The following FNDC3A variants were observed in gnomAD, a reference collection of about 807,000 sequenced individuals.
FNDC3A encodes the protein fibronectin type III domain containing 3A.
Under a neutral mutation model 148.9 loss-of-function variants are expected in FNDC3A, and 32 were observed. The observed-to-expected ratio is 0.21, with a 90% CI of 0.16 to 0.29. The LOEUF (loss-of-function observed/expected upper bound fraction) is 0.29. Ranked by LOEUF, FNDC3A falls within the 10% of genes least tolerant of loss-of-function variation. The pLI is 1.00. For missense variants in FNDC3A, 1,191 were observed against 1,452.8 expected (o/e 0.82, Z 2.93); for synonymous variants, 472 against 473.6 (o/e 1.00, Z 0.04).
chr13:49,009,148 C>G (rs1952284446), intron 2 of FNDC3A, among the ~76,000 whole-genome samples: 2 of 152,146 alleles, frequency 1.3e-5, no homozygotes, highest in South Asian at 4.1e-4. Context: ...TTACTCCCCC[C>G]AAATCCTTGG....
At chr13:49,004,001 T>G (rs1952175140) in intron 1 of FNDC3A, among the ~76,000 whole-genome samples, 1 of 152,222 alleles carries the variant, frequency 6.6e-6, no homozygotes, top group South Asian at 2.1e-4. Flanking sequence ...CAATTTTAAA[T>G]CATTGGTAGT....
At chr13:49,046,047 G>T in intron 2 of FNDC3A, 1 of 163,678 alleles carries the variant, frequency 6.1e-6, no homozygotes, top group Non-Finnish European at 1.3e-5. Context: ...AATTACTCTG[G>T]GAAACAATAA....
chr13:49,037,171 ATAC>A (rs1437906350), intron 2 of FNDC3A, among the ~76,000 whole-genome samples: 1 of 152,228 alleles, frequency 6.6e-6, no homozygotes, highest in Non-Finnish European at 1.5e-5. Flanking sequence ...ATAAAAAATA[ATAC>A]TACTAAGAGC....
rs138232673 is a variant in FNDC3A, at chr13:49,131,185, C to A, written c.301C>A (p.Pro101Thr). ...VRRVVVVPQA[P>T]EFHPGSHTVL... ...AAGAGTTGTCGTGGTCCCTCAGGCA[C>A]CAGAGTTTCACCCTGGTAGTCACAC... Residue 101 changes from proline (P) to threonine (T), a missense_variant, in exon 5 of 26, where the codon CCA (proline) becomes ACA (threonine). Around this residue, in one of 3 missense-constraint regions of FNDC3A, gnomAD observed 426 missense variants for 473.2 expected, o/e 0.90. Coordinates refer to ENST00000492622, the MANE Select transcript of FNDC3A (RefSeq NM_001079673.2). 5 of 1,613,996 alleles carry A rather than the reference C, an allele frequency of 3.1e-6. No individual in the cohort carries two copies. The African/African-American group carries it at 6.7e-5, about 22-fold the overall frequency.
intron 2 of FNDC3A, among the ~76,000 whole-genome samples, chr13:49,056,824 G>A (rs1191306071): frequency 6.6e-6 from 1 of 151,946 alleles, no homozygotes; most frequent in Admixed American, 6.6e-5. Context: ...TCCTTTTTGT[G>A]TCTTCAGATA....
chr13:49,051,838 C>T (rs761606017), intron 2 of FNDC3A, among the ~76,000 whole-genome samples: 8 of 152,120 alleles, frequency 5.3e-5, no homozygotes, highest in Non-Finnish European at 8.8e-5. Context: ...TTAACATAGT[C>T]CCAAACTTCT....
chr13:49,187,242 A>T, intron 16 of FNDC3A, 52 bp downstream of exon 16: 3 of 1,265,590 alleles, frequency 2.4e-6, no homozygotes, highest in Non-Finnish European at 3.4e-6. Context: ...GTCTCTTTCT[A>T]TTCTTTATGG....
intron 2 of FNDC3A, among the ~76,000 whole-genome samples, chr13:49,064,758 G>A (rs1051635364): frequency 2.5e-4 from 38 of 152,184 alleles, no homozygotes; most frequent in African/African-American, 8.7e-4. Flanking sequence ...TTGGGTTCAT[G>A]TGTAAGTTGC....
chr13:49,051,393 T>G lies in FNDC3A; in HGVS notation c.100-23896T>G, dbSNP rs139793386. Among the ~76,000 whole-genome samples, 404 of 152,296 alleles carry G rather than the reference T, an allele frequency of 2.7e-3. 1 individual carries two copies. Among genetic ancestry groups the G allele is most frequent in the African/African-American group, 7.6e-3 (317 of 41,534 alleles). On this transcript the variant is annotated intron_variant, in intron 2 of 25. Coordinates refer to ENST00000492622, the MANE Select transcript of FNDC3A (RefSeq NM_001079673.2). ...AATGAATGAATTCTCTCAGCATTTG[T>G]TTGTCTGGAAAAGGCTGTGTCTTTC... is the stretch of plus-strand genomic sequence containing the variant.
At chr13:49,166,633 C>A (rs1884476659) in intron 8 of FNDC3A, among the ~76,000 whole-genome samples, 1 of 152,082 alleles carries the variant, frequency 6.6e-6, no homozygotes, top group Admixed American at 6.6e-5. Flanking sequence ...TACAGGAGTC[C>A]ACGGTGGGAA....
At chr13:49,092,669 A>G (rs1219304399) in intron 3 of FNDC3A, among the ~76,000 whole-genome samples, 1 of 152,100 alleles carries the variant, frequency 6.6e-6, no homozygotes, top group Admixed American at 6.5e-5. Flanking sequence ...GCATGCATAC[A>G]TACAGGTGAG....
At chr13:49,112,019 G>A (rs1880611835) in intron 3 of FNDC3A, among the ~76,000 whole-genome samples, 1 of 152,020 alleles carries the variant, frequency 6.6e-6, no homozygotes, top group Admixed American at 6.6e-5. Flanking sequence ...ATATATATTC[G>A]TATTTCTGGT....
intron 4 of FNDC3A, among the ~76,000 whole-genome samples, chr13:49,119,317 C>T (rs1003667766): frequency 6.6e-5 from 10 of 152,202 alleles, no homozygotes; most frequent in East Asian, 3.9e-4. Flanking sequence ...TCAAGAAACA[C>T]GATGTCCACA....
chr13:49,145,641 A>T, intron 7 of FNDC3A, 137 bp from the exon 8 acceptor site: 1 of 666,818 alleles, frequency 1.5e-6, no homozygotes. Flanking sequence ...TGCAATGGGC[A>T]GGTTTATATT....
Position 49,108,382 on chromosome 13 carries a change from A to G in FNDC3A, c.176-6273A>G, listed in dbSNP as rs565596895. On this transcript the variant is annotated intron_variant, in intron 3 of 25. Transcript: ENST00000492622. ...AACTTTAGCATGAAACAGGAACAAC[A>G]GTGGTGAAGGGAAGCAGCCTTGGAG... Among the ~76,000 whole-genome samples, 7 of 152,270 alleles carry G rather than the reference A, an allele frequency of 4.6e-5. No homozygotes were observed. The South Asian group carries it at 8.3e-4, about 18-fold the overall frequency.
At chr13:48,977,161 G>A (rs1034207558) in intron 1 of FNDC3A, among the ~76,000 whole-genome samples, 10 of 152,154 alleles carry the variant, frequency 6.6e-5, no homozygotes, top group African/African-American at 1.4e-4. Flanking sequence ...TATTAAATAA[G>A]AGTCGCAGGC....
intron 11 of FNDC3A, among the ~76,000 whole-genome samples, chr13:49,173,969 G>A (rs547410472): frequency 2.0e-5 from 3 of 152,186 alleles, no homozygotes; most frequent in African/African-American, 2.4e-5. Flanking sequence ...CAGTAGAAGC[G>A]CCAAAAGTTT....
chr13:49,077,568 TTCTC>T (rs1209675752), intron 3 of FNDC3A, among the ~76,000 whole-genome samples: 5 of 152,148 alleles, frequency 3.3e-5, no homozygotes, highest in Non-Finnish European at 5.9e-5. Context: ...AGTTAAAAAT[TTCTC>T]TCTAAGTTGA....
chr13:49,044,830 T>C (rs1269717815), intron 2 of FNDC3A: 12 of 387,030 alleles, frequency 3.1e-5, no homozygotes, highest in South Asian at 1.8e-4. Flanking sequence ...TTTTGTGTGT[T>C]AGAAACTACT....
Sources: allele counts gnomAD v4.1 joint callset (sites outside exome capture counted in the v4.1 genomes callset), GRCh38; gene constraint gnomAD v4.1.1; regional missense constraint gnomAD v4.1.1; transcripts MANE v1.5; gene names NCBI Gene and HGNC (gene_info 2026-07-23, HGNC 2026-07-21).